Variants in PDZRN4 observed in about 807,000 individuals in gnomAD.
PDZRN4 encodes PDZ domain containing ring finger 4.
A neutral mutation model predicts 99.0 loss-of-function variants in PDZRN4; 70 were observed. That is an observed-to-expected ratio of 0.71 (90% confidence interval 0.58 to 0.86). The LOEUF (loss-of-function observed/expected upper bound fraction) is 0.86. PDZRN4 is among the 40% of genes least tolerant of loss of function. The pLI, the probability that PDZRN4 is intolerant of heterozygous loss-of-function variation, is 0.00. For synonymous variants in PDZRN4, 551 were observed against 501.6 expected, an observed-to-expected ratio of 1.10 and a Z score of -1.32; for missense variants, 1,474 against 1,331.2, an observed-to-expected ratio of 1.11 and a Z score of -1.67.
At chr12:41,452,827 G>T (rs1209735767) in intron 3 of PDZRN4, among the ~76,000 whole-genome samples, 1 of 152,012 alleles carries the variant, frequency 6.6e-6, no homozygotes, top group African/African-American at 2.4e-5. Flanking sequence ...ACCTTAATTT[G>T]CTGCAACGAA....
chr12:41,192,213 CCTGCCTCAACCACCCAAG>C (rs1950739990), intron 2 of PDZRN4, among the ~76,000 whole-genome samples: 1 of 152,178 alleles, frequency 6.6e-6, no homozygotes. Context: ...AATTGATTCT[CCTGCCTCAACCACCCAAG>C]TAGCTGGGAT....
At chr12:41,487,093 C>A (rs1000517848) in intron 3 of PDZRN4, among the ~76,000 whole-genome samples, 12 of 152,218 alleles carry the variant, frequency 7.9e-5, no homozygotes, top group Non-Finnish European at 1.6e-4. Context: ...GACACATAAT[C>A]AACTTTCCAT....
intron 3 of PDZRN4, among the ~76,000 whole-genome samples, chr12:41,308,538 G>A (rs1428294857): frequency 6.6e-6 from 1 of 152,176 alleles, no homozygotes; most frequent in African/African-American, 2.4e-5. Context: ...CAATACCAAA[G>A]ATGAAATCCT....
At chr12:41,294,960 A>G (rs1008425422) in intron 3 of PDZRN4, among the ~76,000 whole-genome samples, 1 of 152,080 alleles carries the variant, frequency 6.6e-6, no homozygotes, top group Admixed American at 6.6e-5. Context: ...TTCTTCAAAG[A>G]GCCCAAAGTT....
At chr12:41,536,418 T>C (rs1214940124) in intron 5 of PDZRN4, among the ~76,000 whole-genome samples, 1 of 152,062 alleles carries the variant, frequency 6.6e-6, no homozygotes, top group Admixed American at 6.6e-5. Context: ...TTTCAGAGGA[T>C]ATTGTGGCAG....
At chr12:41,305,664 C>T (rs765528101) in intron 3 of PDZRN4, among the ~76,000 whole-genome samples, 2 of 152,132 alleles carry the variant, frequency 1.3e-5, no homozygotes, top group Admixed American at 6.5e-5. Flanking sequence ...CTCCAAAAAG[C>T]CCTACCTCCA....
chr12:41,285,618 C>T (rs575595698), intron 3 of PDZRN4, among the ~76,000 whole-genome samples: 21 of 152,240 alleles, frequency 1.4e-4, no homozygotes, highest in African/African-American at 4.3e-4. Context: ...TAACCATCAA[C>T]GTTAGACTGG....
At chr12:41,334,024 C>T (rs1951756559) in intron 3 of PDZRN4, among the ~76,000 whole-genome samples, 1 of 152,086 alleles carries the variant, frequency 6.6e-6, no homozygotes, top group African/African-American at 2.4e-5. Context: ...TGACAGGGAT[C>T]CTTATTACCA....
At chr12:41,529,035 TCC>T (rs1294632151) in intron 5 of PDZRN4, among the ~76,000 whole-genome samples, 1 of 152,214 alleles carries the variant, frequency 6.6e-6, no homozygotes, top group East Asian at 1.9e-4. Flanking sequence ...TTGAATTTCA[TCC>T]ACTTTTTCCT....
intron 5 of PDZRN4, among the ~76,000 whole-genome samples, chr12:41,550,095 T>G (rs1291800927): frequency 6.6e-6 from 1 of 152,218 alleles, no homozygotes; most frequent in Non-Finnish European, 1.5e-5. Flanking sequence ...TGTGCCCTTT[T>G]TGTTTTAATA....
At chr12:41,546,572 C>G (rs888427926) in intron 5 of PDZRN4, among the ~76,000 whole-genome samples, 7 of 152,162 alleles carry the variant, frequency 4.6e-5, no homozygotes, top group African/African-American at 1.7e-4. Context: ...TTGTGAATGA[C>G]TTTGTTCTTT....
chr12:41,305,233 G>A (rs1485875607), intron 3 of PDZRN4, among the ~76,000 whole-genome samples: 2 of 152,140 alleles, frequency 1.3e-5, no homozygotes, highest in Non-Finnish European at 2.9e-5. Context: ...CTAAAATACT[G>A]TTGAACTTAC....
intron 3 of PDZRN4, among the ~76,000 whole-genome samples, chr12:41,346,722 T>C (rs977287533): frequency 3.3e-5 from 5 of 152,136 alleles, no homozygotes; most frequent in African/African-American, 1.2e-4. Context: ...TCAATGGTTT[T>C]GGAAATGTTT....
At chr12:41,495,692 T>A (rs945750035) in intron 3 of PDZRN4, among the ~76,000 whole-genome samples, 1 of 152,080 alleles carries the variant, frequency 6.6e-6, no homozygotes, top group African/African-American at 2.4e-5. Flanking sequence ...AGGTATTTTT[T>A]AAAAATCCTT....
At chr12:41,286,655 G>T (rs780506407) in intron 3 of PDZRN4, among the ~76,000 whole-genome samples, 2 of 152,122 alleles carry the variant, frequency 1.3e-5, no homozygotes, top group Non-Finnish European at 2.9e-5. Flanking sequence ...GTAAATGGAT[G>T]TGTCAACACC....
chr12:41,460,417 T>C (rs1232609541), intron 3 of PDZRN4, among the ~76,000 whole-genome samples: 1 of 152,196 alleles, frequency 6.6e-6, no homozygotes, highest in African/African-American at 2.4e-5. Flanking sequence ...AACTTCCTTT[T>C]TGTGTTCAAC....
chr12:41,489,217 T>C (rs1054172947), intron 3 of PDZRN4, among the ~76,000 whole-genome samples: 2 of 152,080 alleles, frequency 1.3e-5, no homozygotes, highest in Non-Finnish European at 2.9e-5. Flanking sequence ...GTCTAGGGAA[T>C]ATTTGGCACT....
At chr12:41,233,477 A>G (rs1374409290) in intron 3 of PDZRN4, among the ~76,000 whole-genome samples, 1 of 152,184 alleles carries the variant, frequency 6.6e-6, no homozygotes, top group African/African-American at 2.4e-5. Flanking sequence ...TGCTCTGAAG[A>G]CACATGCACA....
intron 3 of PDZRN4, among the ~76,000 whole-genome samples, chr12:41,206,332 T>A (rs190805179): frequency 6.6e-6 from 1 of 152,054 alleles, no homozygotes; most frequent in Non-Finnish European, 1.5e-5. Flanking sequence ...TTAGTCCACA[T>A]ACTTGCAAAG....
Sources: gnomAD v4.1 joint callset for allele counts (sites outside exome capture counted in the v4.1 genomes callset) on GRCh38, gnomAD v4.1.1 for gene constraint, MANE v1.5 for transcripts, NCBI Gene and HGNC (gene_info 2026-07-23, HGNC 2026-07-21) for gene names.